Variants in COL19A1 observed in about 807,000 individuals in gnomAD.
COL19A1 encodes collagen alpha-1(XIX) chain.
In COL19A1, 159 loss-of-function variants were observed where a neutral mutation model predicts 190.2. The ratio of observed to expected loss-of-function variants is 0.84; its 90% CI spans 0.73 to 0.95. The LOEUF (loss-of-function observed/expected upper bound fraction) is 0.95. Among genes scored for constraint, COL19A1 ranks in the 40% least tolerant of loss-of-function variants. The pLI, the probability that COL19A1 is intolerant of heterozygous loss-of-function variation, is 0.00. For synonymous variants in COL19A1, 509 were observed against 458.9 expected, an observed-to-expected ratio of 1.11 and a Z score of -1.39; for missense variants, 1,418 against 1,431.9, an observed-to-expected ratio of 0.99 and a Z score of 0.16.
At chr6:69,937,893 G>T in intron 8 of COL19A1, 145 bp from the exon 9 acceptor site, 1 of 642,760 alleles carries the variant, frequency 1.6e-6, no homozygotes, top group African/African-American at 1.9e-5. Flanking sequence ...CCTTGTTCAC[G>T]TGGCTCACTA....
intron 14 of COL19A1, among the ~76,000 whole-genome samples, chr6:70,039,173 G>C (rs913503305): frequency 3.9e-5 from 6 of 152,290 alleles, no homozygotes; most frequent in African/African-American, 1.4e-4. Context: ...AGAATCTCCA[G>C]GGAGGGACTC....
At chr6:69,870,134 G>C (rs1284929738) in intron 1 of COL19A1, among the ~76,000 whole-genome samples, 3 of 152,032 alleles carry the variant, frequency 2.0e-5, no homozygotes, top group African/African-American at 2.4e-5. Context: ...ATTACTTAAT[G>C]GTTCCCAACC....
At chr6:70,044,395 G>C (rs1172191312) in intron 14 of COL19A1, among the ~76,000 whole-genome samples, 1 of 152,124 alleles carries the variant, frequency 6.6e-6, no homozygotes, top group Non-Finnish European at 1.5e-5. Context: ...TTGTCTGGAG[G>C]GACCTGGCTT....
intron 14 of COL19A1, among the ~76,000 whole-genome samples, chr6:70,050,665 G>A (rs1780153820): frequency 1.3e-5 from 2 of 152,062 alleles, no homozygotes; most frequent in East Asian, 3.8e-4. Flanking sequence ...TAATGAGGAG[G>A]AGATTCCCTC....
At chr6:70,085,395 T>C (rs992357923) in intron 15 of COL19A1, among the ~76,000 whole-genome samples, 2 of 152,214 alleles carry the variant, frequency 1.3e-5, no homozygotes, top group Admixed American at 6.5e-5. Context: ...GTTAGCACTG[T>C]CCTACAGAAG....
intron 11 of COL19A1, among the ~76,000 whole-genome samples, chr6:69,994,302 G>C (rs1776782336): frequency 6.6e-6 from 1 of 152,092 alleles, no homozygotes; most frequent in South Asian, 2.1e-4. Context: ...CTAATTGAGT[G>C]AGAATTTTTA....
At chr6:70,037,971 T>G (rs1779441653) in intron 14 of COL19A1, among the ~76,000 whole-genome samples, 1 of 152,234 alleles carries the variant, frequency 6.6e-6, no homozygotes, top group Non-Finnish European at 1.5e-5. Flanking sequence ...ATTACTATTT[T>G]GTATGCTTGA....
intron 15 of COL19A1, among the ~76,000 whole-genome samples, chr6:70,089,774 C>T (rs1782791350): frequency 6.6e-6 from 1 of 152,026 alleles, no homozygotes; most frequent in Admixed American, 6.6e-5. Flanking sequence ...TATTAATATC[C>T]TTTTATAAGT....
Position 69,921,271 on chromosome 6 carries a change from A to G in COL19A1, c.267-6638A>G, listed in dbSNP as rs540806634. Reference sequence around the variant, plus strand: ...TGTCATATATCATATCATATATCATATATATCATATATCATATATCATATA... The same window carrying G: ...TGTCATATATCATATCATATATCATGTATATCATATATCATATATCATATA... On this transcript the variant is annotated intron_variant, in intron 4 of 50. Transcript: ENST00000620364. Among the ~76,000 whole-genome samples the G allele has an allele frequency of 7.0e-4, 89 of 126,854 alleles. 2 individuals are homozygous for G. In the South Asian group the frequency reaches 0.021, roughly 30 times the overall value. The allele number at this position is 126,854 out of a possible 152,430, so 83.2% of individuals were successfully genotyped here. A position where few individuals can be genotyped will look rare whatever the true frequency, so the allele number is the denominator to read the frequency against.
Position 70,005,905 on chromosome 6 carries a change from G to C in COL19A1, c.1027-17722G>C, listed in dbSNP as rs1249326256. ...GAAGAACTGCCCAGTGAGGAAGGAT[G>C]AGTCAGAGTCAGGCCTGAAGAGGCT... is the stretch of plus-strand genomic sequence containing the variant. On this transcript the variant is annotated intron_variant, in intron 11 of 50. Transcript: ENST00000620364. Among the ~76,000 whole-genome samples, 6 of 152,306 alleles carry C rather than the reference G, an allele frequency of 3.9e-5. No individual in the cohort carries two copies. In the South Asian group the frequency reaches 1.2e-3, roughly 32 times the overall value.
At chr6:70,109,541 AGTGTGTGT>A (rs60219800) in intron 16 of COL19A1, among the ~76,000 whole-genome samples, 10,285 of 143,870 alleles carry the variant, frequency 0.071, 783 homozygotes, top group African/African-American at 0.2. Context: ...CCGTTTTGTA[AGTGTGTGT>A]GTGTGTGTGT....
At chr6:70,077,720 A>G (rs1445327800) in intron 15 of COL19A1, among the ~76,000 whole-genome samples, 1 of 152,222 alleles carries the variant, frequency 6.6e-6, no homozygotes, top group African/African-American at 2.4e-5. Flanking sequence ...AGATGTTAAC[A>G]ATGTGTCTAT....
intron 15 of COL19A1, among the ~76,000 whole-genome samples, chr6:70,097,503 C>T (rs967991126): frequency 6.8e-6 from 1 of 148,028 alleles, no homozygotes; most frequent in African/African-American, 2.5e-5. Flanking sequence ...TTGAGACCAG[C>T]ATGGATCCTG....
At chr6:70,023,515 G>A (rs992534489) in intron 11 of COL19A1, 112 bp from the exon 12 acceptor site, 2 of 813,776 alleles carry the variant, frequency 2.5e-6, no homozygotes, top group African/African-American at 1.8e-5. Flanking sequence ...CCTTTCAAGG[G>A]TTTAGCAAAG....
chr6:69,924,817 T>TA (rs1772246372), intron 4 of COL19A1, among the ~76,000 whole-genome samples: 1 of 152,240 alleles, frequency 6.6e-6, no homozygotes, highest in African/African-American at 2.4e-5. Context: ...GGTTTTGATT[T>TA]GCATTTCTCT....
chr6:70,156,292 T>G (rs770580784), intron 32 of COL19A1, 24 bp from the exon 33 acceptor site: 46 of 1,613,276 alleles, frequency 2.9e-5, no homozygotes, highest in Non-Finnish European at 3.8e-5. Context: ...ATCCTCTCAG[T>G]TCTGTTCTTC....
intron 22 of COL19A1, 115 bp from the exon 23 acceptor site, chr6:70,142,652 A>C (rs1298156514): frequency 3.7e-6 from 3 of 801,270 alleles, no homozygotes; most frequent in Non-Finnish European, 5.9e-6. Context: ...GGGATGGTGG[A>C]AAGTTGGTCT....
chr6:69,898,416 T>G (rs1769936575), intron 2 of COL19A1, among the ~76,000 whole-genome samples: 1 of 152,218 alleles, frequency 6.6e-6, no homozygotes, highest in African/African-American at 2.4e-5. Flanking sequence ...CTGTAGCACA[T>G]AAGTACACTT....
chr6:69,884,538 A>G (rs1245585443), intron 2 of COL19A1, among the ~76,000 whole-genome samples: 8 of 152,174 alleles, frequency 5.3e-5, no homozygotes, highest in Admixed American at 5.2e-4. Flanking sequence ...AGCATAATGC[A>G]CTTCTACTAA....
Sources: gnomAD v4.1 joint callset for allele counts (sites outside exome capture counted in the v4.1 genomes callset) on GRCh38, gnomAD v4.1.1 for gene constraint, MANE v1.5 for transcripts, NCBI Gene and HGNC (gene_info 2026-07-23, HGNC 2026-07-21) for gene names.